The following VSNL1 variants were observed in gnomAD, a reference collection of about 807,000 sequenced individuals.
VSNL1 encodes visinin like 1.
A neutral mutation model predicts 20.4 loss-of-function variants in VSNL1; 6 were observed. The observed-to-expected ratio is 0.29, with a 90% CI of 0.16 to 0.58. VSNL1 has a LOEUF of 0.58. Among genes scored for constraint, VSNL1 ranks in the 20% least tolerant of loss-of-function variants. VSNL1 has a pLI of 0.90. For synonymous variants in VSNL1, 93 were observed against 86.4 expected, an observed-to-expected ratio of 1.08 and a Z score of -0.42; for missense variants, 100 against 234.5, an observed-to-expected ratio of 0.43 and a Z score of 3.75.
Position 17,634,112 on chromosome 2 carries a change from G to T in VSNL1, c.163-15298G>T, listed in dbSNP as rs144988230. Among the ~76,000 whole-genome samples, 1 of 152,118 alleles carries T rather than the reference G, an allele frequency of 6.6e-6. No homozygotes were observed. The highest frequency in any genetic ancestry group is 1.5e-5 in the Non-Finnish European group (1 of 68,026). On this transcript the variant is annotated intron_variant, in intron 2 of 3. Coordinates refer to ENST00000295156, the MANE Select transcript of VSNL1 (RefSeq NM_003385.5). The surrounding 1 kb of genome is among the most constrained non-coding windows in gnomAD (Gnocchi z 4.3). The stretch of plus-strand genomic sequence containing the variant: ...CAGAGTGGCTTTCATCCTGGAGTGT[G>T]GGGGAGAAGGTGGAGGAGGGCATCA...
At position 17,643,168 on chromosome 2, in the gene VSNL1, C is replaced by T. The variant is rs550243117; in HGVS notation, c.163-6242C>T. Among the ~76,000 whole-genome samples, 5 of 152,348 alleles carry T rather than the reference C, an allele frequency of 3.3e-5. No homozygotes were observed. In the East Asian group the frequency reaches 7.7e-4, roughly 24 times the overall value. On this transcript the variant is annotated intron_variant, in intron 2 of 3. Coordinates refer to ENST00000295156, the MANE Select transcript of VSNL1 (RefSeq NM_003385.5). ...GCGTGGTTGCCTCTCCTCACTCTCC[C>T]TCCTGCCCTCACAAAGCTCAGCATG...
chr2:17,630,353 C>G (rs1665603179), intron 2 of VSNL1, among the ~76,000 whole-genome samples: 4 of 152,220 alleles, frequency 2.6e-5, no homozygotes, highest in Admixed American at 2.6e-4. Context: ...GCTTGCAGCT[C>G]TGTGAGAAAG....
intron 3 of VSNL1, among the ~76,000 whole-genome samples, chr2:17,652,539 G>A (rs1161599026): frequency 6.6e-6 from 1 of 152,188 alleles, no homozygotes; most frequent in African/African-American, 2.4e-5. Flanking sequence ...GGGAGAGGAA[G>A]AAGTAAAGAC....
intron 2 of VSNL1, among the ~76,000 whole-genome samples, chr2:17,605,227 C>G (rs1217546771): frequency 6.6e-6 from 1 of 152,220 alleles, no homozygotes; most frequent in African/African-American, 2.4e-5. Context: ...GCACTGCTGT[C>G]TGATTATGCA....
At chr2:17,633,552 G>A (rs531812628) in intron 2 of VSNL1, among the ~76,000 whole-genome samples, 2 of 151,790 alleles carry the variant, frequency 1.3e-5, no homozygotes, top group South Asian at 2.1e-4. Flanking sequence ...AGTAAGAGCC[G>A]AATGTGATGG....
chr2:17,602,257 G>C (rs1162500293), intron 2 of VSNL1, among the ~76,000 whole-genome samples: 1 of 152,180 alleles, frequency 6.6e-6, no homozygotes, highest in Non-Finnish European at 1.5e-5. Context: ...CTGGGCCATT[G>C]ACTGTTTCTC....
chr2:17,578,028 T>C (rs181762803), intron 1 of VSNL1, among the ~76,000 whole-genome samples: 2 of 152,318 alleles, frequency 1.3e-5, no homozygotes, highest in East Asian at 1.9e-4. Context: ...AGGTAATCCA[T>C]GAACACATAG....
intron 2 of VSNL1, among the ~76,000 whole-genome samples, chr2:17,645,542 C>T (rs757403107): frequency 4.6e-5 from 7 of 152,220 alleles, no homozygotes; most frequent in Non-Finnish European, 1.0e-4. Flanking sequence ...ATCACTCAGC[C>T]TTTCTGTGCC....
At chr2:17,608,894 C>G (rs1211804232) in intron 2 of VSNL1, among the ~76,000 whole-genome samples, 1 of 152,072 alleles carries the variant, frequency 6.6e-6, no homozygotes, top group Non-Finnish European at 1.5e-5. Context: ...CCTTAAAGGA[C>G]TAAAATTCTA....
rs1666216936 is a variant in VSNL1 at position 17,655,692 on chromosome 2, G to A, written c.*298G>A. On this transcript the variant is annotated 3_prime_UTR_variant, in exon 4 of 4. Transcript: ENST00000295156. This position sits in a 1 kb window ranked among gnomAD's most constrained non-coding sequence, Gnocchi z 5.2. ...TCCAAAGCCTGGGCAGAAATGTGCT[G>A]CAAAGAGTTATATGACTTCTTGTTC... is the stretch of plus-strand genomic sequence containing the variant. 3 of 302,916 alleles carry A rather than the reference G, an allele frequency of 9.9e-6. No homozygotes were observed. Among genetic ancestry groups the A allele is most frequent in the East Asian group, 6.4e-5 (1 of 15,636 alleles). 18.8% of individuals were successfully genotyped at this position (302,916 alleles called of 1,614,324 possible). A position where few individuals can be genotyped will look rare whatever the true frequency, so the allele number is the denominator to read the frequency against.
At chr2:17,572,402 CCAGGG>C (rs1173069934) in intron 1 of VSNL1, among the ~76,000 whole-genome samples, 1 of 151,920 alleles carries the variant, frequency 6.6e-6, no homozygotes, top group Non-Finnish European at 1.5e-5. Flanking sequence ...CAGAGAACAT[CCAGGG>C]CAGAGGTTTT....
At chr2:17,636,131 A>T (rs1158863644) in intron 2 of VSNL1, among the ~76,000 whole-genome samples, 1 of 152,132 alleles carries the variant, frequency 6.6e-6, no homozygotes, top group African/African-American at 2.4e-5. Context: ...ACTCCCTGGC[A>T]TATGGTACCT....
intron 1 of VSNL1, among the ~76,000 whole-genome samples, chr2:17,590,375 T>G (rs1196796585): frequency 6.6e-6 from 1 of 152,210 alleles, no homozygotes; most frequent in East Asian, 1.9e-4. Context: ...AGTACCCACT[T>G]GATTTCCACA....
chr2:17,626,855 G>A (rs1665520166), intron 2 of VSNL1, among the ~76,000 whole-genome samples: 2 of 152,336 alleles, frequency 1.3e-5, no homozygotes, highest in South Asian at 4.1e-4. Context: ...ATTCAATGAT[G>A]AAGAACTGCG....
At chr2:17,556,231 A>C (rs1026080217) in intron 1 of VSNL1, among the ~76,000 whole-genome samples, 1 of 152,222 alleles carries the variant, frequency 6.6e-6, no homozygotes. Flanking sequence ...GGCAGAGTCC[A>C]TATGCCAGTG....
At position 17,621,254 on chromosome 2, in the gene VSNL1, TTTC is replaced by T. The variant is rs1005860916; in HGVS notation, c.163-28153_163-28151del. ...TTCTTTCTTTCCTTCTTTTTCTTTCTTTCTTTTCTTTCTTTCTTCCTCTTTCTT... is the reference window on the plus strand; with the variant it reads ...TTCTTTCTTTCCTTCTTTTTCTTTCTTTTTCTTTCTTTCTTCCTCTTTCTT... On this transcript the variant is annotated intron_variant, in intron 2 of 3. Coordinates refer to ENST00000295156, the MANE Select transcript of VSNL1 (RefSeq NM_003385.5). Among the ~76,000 whole-genome samples, 35 of 152,066 alleles carry T rather than the reference TTTC, an allele frequency of 2.3e-4. No individual in the cohort carries two copies. In the South Asian group the frequency reaches 3.3e-3, roughly 14 times the overall value.
At chr2:17,553,096 G>A (rs1031706026) in intron 1 of VSNL1, among the ~76,000 whole-genome samples, 1 of 152,016 alleles carries the variant, frequency 6.6e-6, no homozygotes. Flanking sequence ...GAGGGAGGGA[G>A]GAAAGAAAAA....
intron 1 of VSNL1, among the ~76,000 whole-genome samples, chr2:17,585,014 A>G (rs923192848): frequency 2.0e-5 from 3 of 152,166 alleles, no homozygotes; most frequent in Non-Finnish European, 4.4e-5. Flanking sequence ...TAACATTGCC[A>G]CTGCCACTGC....
chr2:17,568,585 G>A (rs1320332031), intron 1 of VSNL1, among the ~76,000 whole-genome samples: 1 of 152,178 alleles, frequency 6.6e-6, no homozygotes. Context: ...CATCATTCAT[G>A]TCATTGCATC....
Sources: allele counts gnomAD v4.1 joint callset (sites outside exome capture counted in the v4.1 genomes callset), GRCh38; gene constraint gnomAD v4.1.1; non-coding constraint Gnocchi (gnomAD v3.1); transcripts MANE v1.5; gene names NCBI Gene and HGNC (gene_info 2026-07-23, HGNC 2026-07-21).